TBC1D22A: variants seen among roughly 807,000 people sequenced by gnomAD.
TBC1D22A encodes the protein TBC1 domain family member 22A.
TBC1D22A carries 38 observed loss-of-function variants against 60.2 expected under a neutral mutation model. The ratio of observed to expected loss-of-function variants is 0.63; its 90% CI spans 0.49 to 0.83. The LOEUF (loss-of-function observed/expected upper bound fraction) is 0.83, where lower values mean the gene tolerates loss of function less well. Among genes scored for constraint, TBC1D22A ranks in the 40% least tolerant of loss-of-function variants. The pLI is 0.00. For synonymous variants in TBC1D22A, 302 were observed against 281.7 expected (o/e 1.07, Z -0.72); for missense variants, 628 against 701.0 (o/e 0.90, Z 1.18).
chr22:46,895,172 CT>C (rs1299569724), intron 7 of TBC1D22A, among the ~76,000 whole-genome samples: 1 of 152,174 alleles, frequency 6.6e-6, no homozygotes, highest in Admixed American at 6.5e-5. Context: ...GACCTCAGGC[CT>C]GACCCAGAGC....
intron 8 of TBC1D22A, among the ~76,000 whole-genome samples, chr22:46,936,322 G>T (rs561584126): frequency 2.0e-5 from 3 of 151,962 alleles, no homozygotes; most frequent in Non-Finnish European, 4.4e-5. Flanking sequence ...GCTCCTCGCA[G>T]TTCTGCACGC....
intron 1 of TBC1D22A, 61 bp downstream of exon 1, chr22:46,762,909 G>T: frequency 7.0e-7 from 1 of 1,431,202 alleles, no homozygotes; most frequent in Non-Finnish European, 9.2e-7. Flanking sequence ...GGCCGCGTTG[G>T]CCTCCTGGGC....
intron 4 of TBC1D22A, among the ~76,000 whole-genome samples, chr22:46,817,345 A>C (rs9627570): frequency 6.6e-6 from 1 of 151,708 alleles, no homozygotes; most frequent in African/African-American, 2.4e-5. Context: ...TACGTGTGCC[A>C]TGGTGGTTTG....
At chr22:47,099,467 C>T (rs1348292682) in intron 11 of TBC1D22A, among the ~76,000 whole-genome samples, 2 of 149,066 alleles carry the variant, frequency 1.3e-5, no homozygotes, top group Non-Finnish European at 3.0e-5. Flanking sequence ...TTTTTTGAAA[C>T]GGAGTTTCGC....
At chr22:47,066,618 C>T (rs57945214) in intron 11 of TBC1D22A, among the ~76,000 whole-genome samples, 4,273 of 152,264 alleles carry the variant, frequency 0.028, 178 homozygotes, top group African/African-American at 0.097. Context: ...CAAAGCACAG[C>T]GTTAACAGAG....
intron 4 of TBC1D22A, among the ~76,000 whole-genome samples, chr22:46,845,143 G>T (rs570879827): frequency 6.6e-6 from 1 of 152,324 alleles, no homozygotes; most frequent in East Asian, 1.9e-4. Flanking sequence ...TTGTTGATCC[G>T]TGGAGGAAAG....
intron 1 of TBC1D22A, among the ~76,000 whole-genome samples, chr22:46,783,635 T>A (rs2084036729): frequency 7.1e-6 from 1 of 140,980 alleles, no homozygotes; most frequent in East Asian, 2.1e-4. Flanking sequence ...ATATATAGTA[T>A]CATTTCGCAT....
At chr22:46,824,004 G>A (rs1473587512) in intron 4 of TBC1D22A, among the ~76,000 whole-genome samples, 1 of 152,006 alleles carries the variant, frequency 6.6e-6, no homozygotes, top group African/African-American at 2.4e-5. Flanking sequence ...CTGTAGCCGT[G>A]GTAAGGAAGT....
intron 12 of TBC1D22A, among the ~76,000 whole-genome samples, chr22:47,172,838 G>A (rs2068539384): frequency 6.6e-6 from 1 of 152,246 alleles, no homozygotes; most frequent in Non-Finnish European, 1.5e-5. Context: ...GTGTGAGGTG[G>A]TCATGCAGGA....
At chr22:47,076,429 T>C (rs13056570) in intron 11 of TBC1D22A, among the ~76,000 whole-genome samples, 36,013 of 140,166 alleles carry the variant, frequency 0.26, 5,242 homozygotes, top group East Asian at 0.54. Flanking sequence ...ATATATGTTT[T>C]CCCATGGTGC....
chr22:47,030,903 A>G (rs902508318), intron 10 of TBC1D22A, among the ~76,000 whole-genome samples: 1 of 152,226 alleles, frequency 6.6e-6, no homozygotes, highest in Non-Finnish European at 1.5e-5. Flanking sequence ...CTGGGGATGC[A>G]CGTCCCGGCG....
chr22:47,049,154 G>A (rs1239921385), intron 11 of TBC1D22A, among the ~76,000 whole-genome samples: 2 of 152,212 alleles, frequency 1.3e-5, no homozygotes, highest in African/African-American at 4.8e-5. Context: ...GGTACACGTT[G>A]TGCTCTTCCT....
At chr22:46,913,288 C>T in intron 8 of TBC1D22A, 1 of 1,340,414 alleles carries the variant, frequency 7.5e-7, no homozygotes, top group South Asian at 1.2e-5. Context: ...TCCTGCAAGC[C>T]TTCTGGACTT....
chr22:47,129,260 C>G (rs540596702), intron 12 of TBC1D22A, among the ~76,000 whole-genome samples: 1 of 152,210 alleles, frequency 6.6e-6, no homozygotes, highest in South Asian at 2.1e-4. Flanking sequence ...CGGCAGATCA[C>G]GAGGTCGAGA....
chr22:47,031,667 C>T (rs1487296711), intron 10 of TBC1D22A, among the ~76,000 whole-genome samples: 1 of 152,170 alleles, frequency 6.6e-6, no homozygotes, highest in Non-Finnish European at 1.5e-5. Context: ...TCCTCAGGCC[C>T]ATCTTGGCTC....
chr22:47,150,311 G>A (rs544147563), intron 12 of TBC1D22A, among the ~76,000 whole-genome samples: 1 of 152,282 alleles, frequency 6.6e-6, no homozygotes, highest in South Asian at 2.1e-4. Flanking sequence ...CCTCCTGGCT[G>A]CACTCACAGT....
At chr22:46,913,303 C>T (rs748395619) in intron 8 of TBC1D22A, 1 of 1,359,390 alleles carries the variant, frequency 7.4e-7, no homozygotes, top group Non-Finnish European at 9.8e-7. Context: ...GGACTTGGTG[C>T]TCGCCTGTTG....
intron 4 of TBC1D22A, among the ~76,000 whole-genome samples, chr22:46,853,409 C>T (rs1215115731): frequency 1.3e-5 from 2 of 152,110 alleles, no homozygotes; most frequent in Non-Finnish European, 2.9e-5. Flanking sequence ...AAATCTTGAA[C>T]ATTTGAAAAA....
chr22:46,858,819 A>G (rs2087712107), intron 4 of TBC1D22A, among the ~76,000 whole-genome samples: 1 of 152,252 alleles, frequency 6.6e-6, no homozygotes, highest in Admixed American at 6.5e-5. Flanking sequence ...TCCCTCTATG[A>G]ATTGGGTGCG....
Sources: gnomAD v4.1 joint callset for allele counts (sites outside exome capture counted in the v4.1 genomes callset) on GRCh38, gnomAD v4.1.1 for gene constraint, MANE v1.5 for transcripts, NCBI Gene and HGNC (gene_info 2026-07-23, HGNC 2026-07-21) for gene names.